Variants in DACH1 observed in about 807,000 individuals in gnomAD.
DACH1 encodes dachshund family transcription factor 1.
DACH1 carries 12 observed loss-of-function variants against 54.2 expected under a neutral mutation model. The observed-to-expected ratio is 0.22, with a 90% CI of 0.14 to 0.36. The LOEUF (loss-of-function observed/expected upper bound fraction) is 0.36. Among genes scored for constraint, DACH1 ranks in the 10% least tolerant of loss-of-function variants. DACH1 has a pLI of 1.00. For synonymous variants in DACH1, 386 were observed against 366.2 expected (o/e 1.05, Z -0.62); for missense variants, 805 against 929.8 (o/e 0.87, Z 1.75).
intron 10 of DACH1, among the ~76,000 whole-genome samples, chr13:71,448,042 T>C (rs1273748373): frequency 6.6e-6 from 1 of 152,202 alleles, no homozygotes; most frequent in Non-Finnish European, 1.5e-5. Flanking sequence ...CAAGGATCTT[T>C]TACACATCTT....
rs1170717310 is a variant in DACH1, at chr13:71,478,597, A to G, written c.1870+572T>C. On this transcript the variant is annotated intron_variant, in intron 8 of 10. Coordinates refer to ENST00000613252, the MANE Select transcript of DACH1 (RefSeq NM_080759.6). ...GACAAAAGAAGCAGTTCACAGATCA[A>G]TAATATTATTTTATCCAATAAGAAT... 2.6e-5 allele frequency among the ~76,000 whole-genome samples: 4 copies of G among 152,174 alleles called. No individual in the cohort carries two copies. In the South Asian group the frequency reaches 6.2e-4, roughly 24 times the overall value.
rs113607525 is a variant in DACH1, at chr13:71,766,036, G to T, written c.849-84126C>A. Among the ~76,000 whole-genome samples, 4 of 152,028 alleles carry T rather than the reference G, an allele frequency of 2.6e-5. 1 individual carries two copies. Among genetic ancestry groups the T allele is most frequent in the African/African-American group, 9.6e-5 (4 of 41,490 alleles). ...TGAGTAGCTGGGACAACAGGCGCCC[G>T]CCACCACGTCCAGCTAATTTTTTGT... On this transcript the variant is annotated intron_variant, in intron 1 of 10. Coordinates refer to ENST00000613252, the MANE Select transcript of DACH1 (RefSeq NM_080759.6).
rs931102868 is a variant in DACH1, at chr13:71,479,464, T to G, written c.1723-148A>C. The G allele has an allele frequency of 7.8e-6, 5 of 644,574 alleles. No homozygotes were observed. The Admixed American group carries it at 1.3e-4, about 17-fold the overall frequency. The allele number at this position is 644,574 out of a possible 1,614,324, so 39.9% of individuals were successfully genotyped here. ...TCTGCACTCACTAGAACAAATACTATAACTAAAGCATAAAACTCCTAAGTC... is the reference window on the plus strand; with the variant it reads ...TCTGCACTCACTAGAACAAATACTAGAACTAAAGCATAAAACTCCTAAGTC... On this transcript the variant is annotated intron_variant, in intron 7 of 10. Transcript: ENST00000613252.
chr13:71,576,811 T>C lies in DACH1; in HGVS notation c.1127-3799A>G, dbSNP rs74096963. 7.5e-3 allele frequency among the ~76,000 whole-genome samples: 1,148 copies of C among 152,160 alleles called. 14 individuals are homozygous for C. Among genetic ancestry groups the C allele is most frequent in the African/African-American group, 0.025 (1,026 of 41,522 alleles). On this transcript the variant is annotated intron_variant, in intron 3 of 10. Transcript: ENST00000613252. ...CCACTAGCATTAGCCATTTCTAGAGTCTAGGTATCTAGAAGACAGAAGCTA... is the reference window on the plus strand; with the variant it reads ...CCACTAGCATTAGCCATTTCTAGAGCCTAGGTATCTAGAAGACAGAAGCTA...
chr13:71,830,660 C>T (rs961506104), intron 1 of DACH1, among the ~76,000 whole-genome samples: 2 of 151,812 alleles, frequency 1.3e-5, no homozygotes, highest in African/African-American at 4.8e-5. Context: ...TCACGTTCAT[C>T]TCTGCTCAAG....
chr13:71,491,767 A>G (rs1056945642), intron 6 of DACH1, among the ~76,000 whole-genome samples: 3 of 152,278 alleles, frequency 2.0e-5, no homozygotes, highest in South Asian at 4.2e-4. Context: ...ATCATAGAAG[A>G]TTTCGTTTAG....
chr13:71,816,803 C>T (rs1887977140), intron 1 of DACH1, among the ~76,000 whole-genome samples: 1 of 151,796 alleles, frequency 6.6e-6, no homozygotes, highest in Non-Finnish European at 1.5e-5. Context: ...AGCAAACTCA[C>T]AAAGGAAAAG....
chr13:71,865,611 C>T (rs932441692), intron 1 of DACH1, among the ~76,000 whole-genome samples: 1 of 152,144 alleles, frequency 6.6e-6, no homozygotes, highest in Non-Finnish European at 1.5e-5. Flanking sequence ...GCAAAGGCGC[C>T]GTCCTCCTCC....
At chr13:71,489,204 G>T in intron 6 of DACH1, 56 bp from the exon 7 acceptor site, 1 of 1,567,596 alleles carries the variant, frequency 6.4e-7, no homozygotes, top group Non-Finnish European at 8.7e-7. Flanking sequence ...GTTTTTATTA[G>T]ACCTCAGTAA....
At chr13:71,708,418 T>A (rs992418620) in intron 1 of DACH1, among the ~76,000 whole-genome samples, 1 of 152,188 alleles carries the variant, frequency 6.6e-6, no homozygotes, top group African/African-American at 2.4e-5. Flanking sequence ...CAGTATAATT[T>A]CATTTTTTCA....
chr13:71,575,355 G>C (rs1425433376), intron 3 of DACH1, among the ~76,000 whole-genome samples: 17 of 151,854 alleles, frequency 1.1e-4, no homozygotes, highest in Admixed American at 4.6e-4. Flanking sequence ...CTAAAATATG[G>C]AGTGGAAAAA....
Position 71,559,846 on chromosome 13 carries a change from C to G in DACH1, c.1409G>C (p.Arg470Pro), listed in dbSNP as rs762011848. The G allele has an allele frequency of 6.2e-7, 1 of 1,613,550 alleles. No homozygotes were observed. The highest frequency in any genetic ancestry group is 8.5e-7 in the Non-Finnish European group (1 of 1,179,836). Residue 470 changes from arginine (R) to proline (P), a missense_variant, in exon 5 of 11, where the codon CGG becomes CCG. By Grantham distance (103) the Arg-to-Pro change is moderately radical. Around this residue, in one of 3 missense-constraint regions of DACH1, gnomAD observed 472 missense variants for 545.3 expected, o/e 0.87. Coordinates refer to ENST00000613252, the MANE Select transcript of DACH1 (RefSeq NM_080759.6). Reference protein sequence around the residue: ...RSSSVSSSPARTESSSDRIPV... With the variant: ...RSSSVSSSPAPTESSSDRIPV... ...GATTCTGTCAGAAGAGCTCTCAGTCCGAGCAGGGGAGCTGGACACGCTGCT... is the reference window on the plus strand; with the variant it reads ...GATTCTGTCAGAAGAGCTCTCAGTCGGAGCAGGGGAGCTGGACACGCTGCT...
intron 10 of DACH1, among the ~76,000 whole-genome samples, chr13:71,450,252 A>G (rs1874915201): frequency 6.6e-6 from 1 of 151,596 alleles, no homozygotes; most frequent in East Asian, 1.9e-4. Context: ...CACTGGGGAA[A>G]TGCTCACTTA....
At chr13:71,595,546 G>A (rs1397986194) in intron 3 of DACH1, among the ~76,000 whole-genome samples, 4 of 152,220 alleles carry the variant, frequency 2.6e-5, no homozygotes, top group Admixed American at 6.5e-5. Context: ...GTATAACAGA[G>A]GGAAGAATCA....
At chr13:71,622,569 G>A (rs763601788) in intron 3 of DACH1, among the ~76,000 whole-genome samples, 34 of 151,822 alleles carry the variant, frequency 2.2e-4, no homozygotes, top group Middle Eastern at 3.5e-3. Context: ...TGAAATATGT[G>A]GTTTCTTTTT....
At chr13:71,653,813 A>G (rs1256417498) in intron 2 of DACH1, among the ~76,000 whole-genome samples, 1 of 152,194 alleles carries the variant, frequency 6.6e-6, no homozygotes, top group African/African-American at 2.4e-5. Context: ...TGATTACAGT[A>G]ACTTTCCAGA....
chr13:71,528,477 G>C (rs930842793), intron 6 of DACH1, among the ~76,000 whole-genome samples: 1 of 140,636 alleles, frequency 7.1e-6, no homozygotes, highest in Non-Finnish European at 1.5e-5. Context: ...GCCCAGGCTG[G>C]AGTGCAGTGG....
intron 2 of DACH1, among the ~76,000 whole-genome samples, chr13:71,668,379 T>A (rs1439059984): frequency 1.3e-5 from 2 of 151,978 alleles, no homozygotes; most frequent in African/African-American, 4.8e-5. Flanking sequence ...AAAATATATA[T>A]CTTTAGAAAA....
intron 3 of DACH1, among the ~76,000 whole-genome samples, chr13:71,627,328 G>A (rs986333369): frequency 3.2e-5 from 4 of 126,870 alleles, no homozygotes; most frequent in African/African-American, 6.3e-5. Flanking sequence ...AAAAAACAAC[G>A]CTCTTACAAA....
Sources: gnomAD v4.1 joint callset for allele counts (sites outside exome capture counted in the v4.1 genomes callset) on GRCh38, gnomAD v4.1.1 for gene constraint, gnomAD v4.1.1 regional missense constraint, MANE v1.5 for transcripts, NCBI Gene and HGNC (gene_info 2026-07-23, HGNC 2026-07-21) for gene names.